The following FMN1 variants were observed in gnomAD, a reference collection of about 807,000 sequenced individuals.
FMN1 encodes the protein formin-1.
Under a neutral mutation model 132.4 loss-of-function variants are expected in FMN1, and 110 were observed. The observed-to-expected ratio is 0.83, with a 90% CI of 0.71 to 0.97. The LOEUF is 0.97. Ranked by LOEUF, FMN1 falls within the 50% of genes least tolerant of loss-of-function variation. The pLI is 0.00. For missense variants in FMN1, 1,792 were observed against 1,705.3 expected (o/e 1.05, Z -0.90); for synonymous variants, 722 against 651.7 (o/e 1.11, Z -1.64).
At chr15:33,120,011 A>G (rs1962404640) in intron 4 of FMN1, among the ~76,000 whole-genome samples, 2 of 152,012 alleles carry the variant, frequency 1.3e-5, no homozygotes, top group African/African-American at 2.4e-5. Flanking sequence ...GGTAAGGATT[A>G]TTATTATCAA....
In FMN1 at chr15:32,855,090, C is replaced by T. The variant is rs144937854; in HGVS notation, c.3928+1925G>A. On this transcript the variant is annotated intron_variant, in intron 17 of 20. Transcript: ENST00000616417. ...GGCTCAGAATAAATCTTTGAATACACATTAAAAGGTGAACTAAGCTAGAGA... is the reference window on the plus strand; with the variant it reads ...GGCTCAGAATAAATCTTTGAATACATATTAAAAGGTGAACTAAGCTAGAGA... 2.9e-3 allele frequency among the ~76,000 whole-genome samples: 376 copies of T among 131,574 alleles called. 2 individuals carry two copies. The highest frequency in any genetic ancestry group is 0.01 in the African/African-American group (352 of 34,952). The allele number at this position is 131,574 out of a possible 152,430, so 86.3% of individuals were successfully genotyped here.
At chr15:33,101,699 A>G (rs2039299834) in intron 4 of FMN1, among the ~76,000 whole-genome samples, 1 of 151,968 alleles carries the variant, frequency 6.6e-6, no homozygotes, top group South Asian at 2.1e-4. Context: ...AAGAGACTTT[A>G]TGTCATTGTT....
At position 33,031,808 on chromosome 15, in the gene FMN1, G is replaced by T. The variant is rs149748198; in HGVS notation, c.2162-23733C>A. ...TGTGGTAACAGATGTCACAGAAATA[G>T]GAAGTCACAGTCATCAAGTTTCTAT... On this transcript the variant is annotated intron_variant, in intron 6 of 20. Transcript: ENST00000616417. 3.0e-3 allele frequency among the ~76,000 whole-genome samples: 463 copies of T among 152,252 alleles called. 3 individuals are homozygous for T. The highest frequency in any genetic ancestry group is 0.011 in the African/African-American group (452 of 41,542).
chr15:33,080,823 G>A lies in FMN1; in HGVS notation c.2043+7976C>T, dbSNP rs369562909. ...AATAGATTGAACCCAAGAGGCGGAG[G>A]TTGCGGTGAGCTGAGATCGCGCCAT... is the stretch of plus-strand genomic sequence containing the variant. On this transcript the variant is annotated intron_variant, in intron 5 of 20. Coordinates refer to ENST00000616417, the MANE Select transcript of FMN1 (RefSeq NM_001277313.2). Among the ~76,000 whole-genome samples the A allele has an allele frequency of 7.9e-5, 12 of 151,962 alleles. 1 individual carries two copies. The East Asian group carries it at 1.7e-3, about 22-fold the overall frequency.
Position 33,154,542 on chromosome 15 carries a change from T to C in FMN1, c.373A>G (p.Ser125Gly). The C allele has an allele frequency of 6.5e-7, 1 of 1,536,106 alleles. No homozygotes were observed. Among genetic ancestry groups the C allele is most frequent in the Non-Finnish European group, 8.7e-7 (1 of 1,146,910 alleles). Residue 125 changes from serine to glycine, a missense_variant, in exon 4 of 21, where the codon AGC becomes GGC. Ser to Gly is a moderately conservative substitution (Grantham distance 56). Transcript: ENST00000616417. ...AAACAGTCATCCTCGGGGGCCAGGC[T>C]CACGGACAGCTCTTGCAGCTTCCCC... ...QEGKLQELSVSLAPEDDCFQS... is the reference protein window; with the variant it reads ...QEGKLQELSVGLAPEDDCFQS...
intron 4 of FMN1, among the ~76,000 whole-genome samples, chr15:33,103,847 G>C (rs1273655182): frequency 2.0e-5 from 3 of 152,016 alleles, no homozygotes; most frequent in African/African-American, 7.2e-5. Flanking sequence ...CCTGTTTTTA[G>C]CATCTTATCA....
chr15:32,816,213 C>A (rs992086917), intron 17 of FMN1, among the ~76,000 whole-genome samples: 4 of 152,132 alleles, frequency 2.6e-5, no homozygotes, highest in Non-Finnish European at 5.9e-5. Context: ...AGTAAGCTCC[C>A]AAGGATTAAA....
intron 19 of FMN1, among the ~76,000 whole-genome samples, chr15:32,797,397 T>C (rs1162405880): frequency 6.6e-6 from 1 of 152,204 alleles, no homozygotes; most frequent in Admixed American, 6.5e-5. Flanking sequence ...TGTATGGACC[T>C]GGAGGGCAGA....
intron 17 of FMN1, among the ~76,000 whole-genome samples, chr15:32,833,266 G>A (rs1005679846): frequency 3.3e-5 from 5 of 152,152 alleles, no homozygotes; most frequent in Non-Finnish European, 5.9e-5. Context: ...GAGGTGGGGG[G>A]AAATGGTTTT....
At chr15:33,168,412 C>T (rs1050369949) in intron 3 of FMN1, among the ~76,000 whole-genome samples, 3 of 152,036 alleles carry the variant, frequency 2.0e-5, no homozygotes, top group Non-Finnish European at 4.4e-5. Flanking sequence ...GAAGCAAGGA[C>T]AAAAAACACA....
At chr15:32,960,098 T>C (rs1326896075) in intron 9 of FMN1, among the ~76,000 whole-genome samples, 1 of 152,234 alleles carries the variant, frequency 6.6e-6, no homozygotes, top group Non-Finnish European at 1.5e-5. Context: ...TACCTCCATC[T>C]CATATGAATC....
chr15:32,771,953 G>A lies in FMN1; in HGVS notation c.*2357C>T, dbSNP rs1005398899. 6.6e-6 allele frequency: 1 copy of A among 152,124 alleles called. No individual in the cohort carries two copies. Among genetic ancestry groups the A allele is most frequent in the African/African-American group, 2.4e-5 (1 of 41,414 alleles). The allele number at this position is 152,124 out of a possible 1,614,324, so 9.4% of individuals were successfully genotyped here. On this transcript the variant is annotated 3_prime_UTR_variant, in exon 21 of 21. Coordinates refer to ENST00000616417, the MANE Select transcript of FMN1 (RefSeq NM_001277313.2). ...GGGCATCCCAGATACATGATGCAGGGTTCAGAATAGGTGAGAATAATGAAG... is the reference window on the plus strand; with the variant it reads ...GGGCATCCCAGATACATGATGCAGGATTCAGAATAGGTGAGAATAATGAAG...
intron 9 of FMN1, among the ~76,000 whole-genome samples, chr15:32,960,976 CAA>C (rs936991130): frequency 1.0e-5 from 1 of 97,532 alleles, no homozygotes; most frequent in Non-Finnish European, 1.8e-5. Context: ...ACCTAGATGA[CAA>C]GAGTGAGACT....
chr15:32,945,342 T>C (rs1254657386), intron 9 of FMN1, among the ~76,000 whole-genome samples: 1 of 152,154 alleles, frequency 6.6e-6, no homozygotes, highest in Admixed American at 6.5e-5. Context: ...ATTTAGGAAG[T>C]ATTGGAAGTA....
At chr15:33,012,422 C>T in intron 6 of FMN1, 1 of 946,834 alleles carries the variant, frequency 1.1e-6, no homozygotes, top group Non-Finnish European at 1.7e-6. Flanking sequence ...GCCCACTCAA[C>T]TGTGAAAAAG....
At chr15:32,803,234 A>AC (rs1359702525) in intron 18 of FMN1, among the ~76,000 whole-genome samples, 1 of 152,190 alleles carries the variant, frequency 6.6e-6, no homozygotes, top group Non-Finnish European at 1.5e-5. Flanking sequence ...GCTGTCTCCT[A>AC]CCTCTACCTG....
At chr15:33,075,214 T>C (rs2038161595) in intron 5 of FMN1, among the ~76,000 whole-genome samples, 1 of 152,006 alleles carries the variant, frequency 6.6e-6, no homozygotes, top group Non-Finnish European at 1.5e-5. Flanking sequence ...TATTATGTGT[T>C]TGGCCCTCAT....
chr15:33,107,998 C>T (rs1373038871), intron 4 of FMN1, among the ~76,000 whole-genome samples: 1 of 151,908 alleles, frequency 6.6e-6, no homozygotes, highest in East Asian at 1.9e-4. Context: ...GTTTGGATGC[C>T]GTGTTATTGG....
Position 33,116,692 on chromosome 15 carries a change from G to A in FMN1, c.1868-27718C>T, listed in dbSNP as rs529748576. ...CCTGTGATAAAGCAGTTGTAGAGAG[G>A]AAATTCATATTGAAGCCCAAACATG... On this transcript the variant is annotated intron_variant, in intron 4 of 20. Coordinates refer to ENST00000616417, the MANE Select transcript of FMN1 (RefSeq NM_001277313.2). Among the ~76,000 whole-genome samples the A allele has an allele frequency of 7.2e-4, 110 of 152,106 alleles. 2 individuals carry two copies. Among genetic ancestry groups the A allele is most frequent in the African/African-American group, 8.9e-4 (37 of 41,478 alleles).
Sources: allele counts gnomAD v4.1 joint callset (sites outside exome capture counted in the v4.1 genomes callset), GRCh38; gene constraint gnomAD v4.1.1; transcripts MANE v1.5; gene names NCBI Gene and HGNC (gene_info 2026-07-23, HGNC 2026-07-21).